The following INAVA variants were observed in gnomAD, a reference collection of about 807,000 sequenced individuals.
INAVA encodes innate immunity activator protein.
Under a neutral mutation model 55.3 loss-of-function variants are expected in INAVA, and 32 were observed. The observed-to-expected ratio is 0.58, with a 90% CI of 0.44 to 0.78. INAVA has a LOEUF of 0.78. Ranked by LOEUF, INAVA falls within the 30% of genes least tolerant of loss-of-function variation. The probability of loss-of-function intolerance (pLI) is 0.00; values close to 1 mark genes in which losing one functional copy is unlikely to be tolerated. For synonymous variants in INAVA, 294 were observed against 329.4 expected (o/e 0.89, Z 1.16); for missense variants, 756 against 786.4 (o/e 0.96, Z 0.46).
chr1:200,892,467 C>T (rs968549), upstream of INAVA, among the ~76,000 whole-genome samples: 137,595 of 152,178 alleles, frequency 0.9, 62,299 homozygotes, highest in Middle Eastern at 0.92. Context: ...AGTTTTCTGA[C>T]TCGGGACTTT....
At chr1:200,902,975 G>A (rs1039102469) in intron 5 of INAVA, 2 of 152,270 alleles carry the variant, frequency 1.3e-5, no homozygotes, top group Non-Finnish European at 2.9e-5. Context: ...ACAGAGCTGT[G>A]GAGAGGAGAC....
At position 200,905,036 on chromosome 1, in the gene INAVA, C is replaced by T. The variant is rs577203286; in HGVS notation, c.521-2798C>T. On this transcript the variant is annotated intron_variant, in intron 5 of 9. Coordinates refer to ENST00000413687, the MANE Select transcript of INAVA (RefSeq NM_001142569.3). The stretch of plus-strand genomic sequence containing the variant: ...ACTAAGATTATAGGTGTGCCTGGCC[C>T]AATGAAAATCTTTATTCCTAAGGTT... Among the ~76,000 whole-genome samples the T allele has an allele frequency of 7.9e-5, 12 of 152,216 alleles. No homozygotes were observed. In the South Asian group the frequency reaches 2.5e-3, roughly 32 times the overall value.
chr1:200,902,183 C>T (rs1653289767), intron 5 of INAVA, among the ~76,000 whole-genome samples: 1 of 152,214 alleles, frequency 6.6e-6, no homozygotes, highest in South Asian at 2.1e-4. Flanking sequence ...GGCTCCCATC[C>T]CTGCATATCG....
chr1:200,900,245 G>A (rs754549782), intron 4 of INAVA, 25 bp downstream of exon 4: 3 of 1,595,944 alleles, frequency 1.9e-6, no homozygotes, highest in South Asian at 1.1e-5. Flanking sequence ...GAAGCTGCCA[G>A]TACCCCTCGA....
At chr1:200,911,328 C>A (rs1474087551) in intron 8 of INAVA, 125 bp from the exon 9 acceptor site, 2 of 919,178 alleles carry the variant, frequency 2.2e-6, no homozygotes, top group Non-Finnish European at 3.4e-6. Context: ...AAGACCCTTG[C>A]ACGAGGGCCA....
At chr1:200,892,436 A>T (rs905529430), upstream of INAVA, among the ~76,000 whole-genome samples, 2 of 152,156 alleles carry the variant, frequency 1.3e-5, no homozygotes, top group African/African-American at 4.8e-5. Context: ...TGGAGAGTGG[A>T]TGGCTACAGC....
At chr1:200,912,686 C>T (rs752269963) in intron 9 of INAVA, among the ~76,000 whole-genome samples, 12 of 152,192 alleles carry the variant, frequency 7.9e-5, no homozygotes, top group South Asian at 4.1e-4. Context: ...CTGCCACTTA[C>T]GAGCTGTATG....
intron 8 of INAVA, 122 bp from the exon 9 acceptor site, chr1:200,911,331 G>T (rs75347729): frequency 2.1e-6 from 2 of 937,412 alleles, no homozygotes; most frequent in East Asian, 4.8e-5. Context: ...ACCCTTGCAC[G>T]AGGGCCATGC....
chr1:200,908,808 G>T lies in INAVA; in HGVS notation c.653G>T (p.Gly218Val), dbSNP rs983928640. The change falls in exon 7 of 10, where the codon GGT becomes GTT. Residue 218 changes from glycine to valine, a missense_variant. Transcript: ENST00000413687. ...CCTCTCCCACCCCAAACCCTTGAGG[G>T]TCTGCAGCCAACAGGACCTGAGGCT... Reference protein sequence around the residue: ...SRPLPPQTLEGLQPTGPEAGS... With the variant: ...SRPLPPQTLEVLQPTGPEAGS... 1.2e-6 allele frequency: 2 copies of T among 1,613,824 alleles called. No individual in the cohort carries two copies. Among genetic ancestry groups the T allele is most frequent in the Non-Finnish European group, 1.7e-6 (2 of 1,179,882 alleles).
chr1:200,895,022 G>A lies in INAVA; in HGVS notation c.-160G>A. The A allele has an allele frequency of 1.0e-6, 1 of 985,662 alleles. No individual in the cohort carries two copies. The highest frequency in any genetic ancestry group is 1.2e-6 in the Non-Finnish European group (1 of 830,098). 61.1% of individuals were successfully genotyped at this position (985,662 alleles called of 1,614,324 possible). ...GGGAGACCCTGAGGCGACATGTGAG[G>A]GCCCTGAGCCCCCTGACTGGAAGCA... On this transcript the variant is annotated 5_prime_UTR_variant, in exon 1 of 10. Coordinates refer to ENST00000413687, the MANE Select transcript of INAVA (RefSeq NM_001142569.3).
intron 3 of INAVA, among the ~76,000 whole-genome samples, 173 bp from the exon 4 acceptor site, chr1:200,899,931 G>A (rs917973590): frequency 2.6e-5 from 4 of 152,244 alleles, no homozygotes; most frequent in African/African-American, 9.6e-5. Flanking sequence ...GGAAAGGGGA[G>A]GAGTGCAGAG....
Position 200,899,617 on chromosome 1 carries a change from A to C in INAVA, c.180+20A>C, listed in dbSNP as rs763862093. ...GAAGCGGTGAGGCCCCAGCCAGCAC[A>C]CACAAGCATCGGGTTCATCTCAGGA... On this transcript the variant is annotated intron_variant, in intron 3 of 9. Coordinates refer to ENST00000413687, the MANE Select transcript of INAVA (RefSeq NM_001142569.3). The C allele has an allele frequency of 1.1e-5, 18 of 1,610,474 alleles. No homozygotes were observed. The Admixed American group carries it at 2.8e-4, about 25-fold the overall frequency.
In INAVA at chr1:200,900,960, C is replaced by T. The variant is rs1056424921; in HGVS notation, c.321C>T (p.Arg107=). The change falls in exon 5 of 10, where the codon CGC becomes CGT. Residue 107 remains arginine, a synonymous_variant. Transcript: ENST00000413687. ...AGGACCCCCTAAGCAGCCTGGAGCG[C>T]CAGCTGGCCCTGCAGCTGCAGATCA... ...HREDPLSSLE[R]QLALQLQITE... 1.3e-6 allele frequency: 2 copies of T among 1,553,372 alleles called. No individual in the cohort carries two copies. The highest frequency in any genetic ancestry group is 2.7e-5 in the African/African-American group (2 of 73,232).
rs1279205622 is a variant in INAVA, at chr1:200,898,292, CTT to C, written c.-94-12_-94-11del. The C allele has an allele frequency of 1.9e-6, 3 of 1,606,210 alleles. No individual in the cohort carries two copies. The South Asian group carries it at 3.3e-5, about 18-fold the overall frequency. On this transcript the variant is annotated splice_polypyrimidine_tract_variant and intron_variant, in intron 1 of 9. Transcript: ENST00000413687. ...TATCTAGCTTTTTTGTTATTGTTCT[CTT>C]TTCTCTTTAAAGCTGGGGAAGCTCC...
chr1:200,901,744 C>T (rs547193554), intron 5 of INAVA, among the ~76,000 whole-genome samples: 1 of 152,194 alleles, frequency 6.6e-6, no homozygotes, highest in East Asian at 1.9e-4. Context: ...CTACAACCAC[C>T]CTGGTCAAGG....
At position 200,911,647 on chromosome 1, in the gene INAVA, C is replaced by T. The variant is rs371661546; in HGVS notation, c.1154C>T (p.Pro385Leu). 3.7e-6 allele frequency: 6 copies of T among 1,613,880 alleles called. No individual in the cohort carries two copies. The highest frequency in any genetic ancestry group is 1.7e-5 in the Admixed American group (1 of 60,000). ...TCCAGCATCTCCCACCCCACTTCGC[C>T]GGGCAGCAGCAGCCCCGACATCTCC... The part of the protein sequence containing the change: ...DVSSISHPTS[P>L]GSSSPDISFL... Residue 385 changes from proline to leucine, a missense_variant, in exon 9 of 10, where the codon CCG (proline) becomes CTG (leucine). Transcript: ENST00000413687.
At chr1:200,909,880 G>C (rs1653645678) in intron 8 of INAVA, among the ~76,000 whole-genome samples, 1 of 152,164 alleles carries the variant, frequency 6.6e-6, no homozygotes, top group East Asian at 1.9e-4. Context: ...TGCATCAACT[G>C]ATTAATATAT....
At chr1:200,907,928 C>T (rs1298872189) in intron 6 of INAVA, 41 bp downstream of exon 6, 2 of 1,545,082 alleles carry the variant, frequency 1.3e-6, no homozygotes, top group African/African-American at 1.4e-5. Flanking sequence ...AGGCTGGACT[C>T]CTACTGCAAG....
At position 200,898,589 on chromosome 1, in the gene INAVA, G is replaced by T. The variant is rs1046964167; in HGVS notation, c.55+134G>T. On this transcript the variant is annotated intron_variant, in intron 2 of 9. Coordinates refer to ENST00000413687, the MANE Select transcript of INAVA (RefSeq NM_001142569.3). ...AGACTCCCAAGGGCTGAGAGGAAGG[G>T]GAGGGAGAGGCCTCTGCTGGGAGGA... 8 of 970,382 alleles carry T rather than the reference G, an allele frequency of 8.2e-6. No individual in the cohort carries two copies. The African/African-American group carries it at 9.8e-5, about 12-fold the overall frequency. 60.1% of individuals were successfully genotyped at this position (970,382 alleles called of 1,614,324 possible). A position where few individuals can be genotyped will look rare whatever the true frequency, so the allele number is the denominator to read the frequency against.
Sources: gnomAD v4.1 joint callset for allele counts (sites outside exome capture counted in the v4.1 genomes callset) on GRCh38, gnomAD v4.1.1 for gene constraint, MANE v1.5 for transcripts, NCBI Gene and HGNC (gene_info 2026-07-23, HGNC 2026-07-21) for gene names.